GMDS: variants seen among roughly 807,000 people sequenced by gnomAD.
The protein encoded by GMDS is GDP-mannose 4,6 dehydratase.
A neutral mutation model predicts 49.9 loss-of-function variants in GMDS; 20 were observed. The observed-to-expected ratio is 0.40, with a 90% CI of 0.28 to 0.58. The LOEUF (loss-of-function observed/expected upper bound fraction) is 0.58. GMDS is among the 20% of genes least tolerant of loss of function. The probability of loss-of-function intolerance (pLI) is 0.42; values close to 1 mark genes in which losing one functional copy is unlikely to be tolerated. For missense variants in GMDS, 362 were observed against 481.4 expected, an observed-to-expected ratio of 0.75 and a Z score of 2.32; for synonymous variants, 177 against 178.6, an observed-to-expected ratio of 0.99 and a Z score of 0.07.
At chr6:1,813,062 A>AT (rs1429102241) in intron 7 of GMDS, among the ~76,000 whole-genome samples, 2 of 151,644 alleles carry the variant, frequency 1.3e-5, no homozygotes, top group Non-Finnish European at 2.9e-5. Context: ...TACCAAAAAA[A>AT]TTTTTTTTAA....
At chr6:1,709,822 T>A in intron 9 of GMDS, among the ~76,000 whole-genome samples, 1 of 152,226 alleles carries the variant, frequency 6.6e-6, no homozygotes, top group East Asian at 1.9e-4. Context: ...GAGCTTGAAG[T>A]TTGGGGAGAA....
At position 1,696,876 on chromosome 6, in the gene GMDS, A is replaced by G. The variant is rs144192201; in HGVS notation, c.987+29540T>C. On this transcript the variant is annotated intron_variant, in intron 9 of 10. Transcript: ENST00000380815. ...CATGCTCCTTGGAGTCACATGGTAA[A>G]ACAACAAGTGTTTGGCCTGTGGTTC... Among the ~76,000 whole-genome samples the G allele has an allele frequency of 1.2e-3, 184 of 152,350 alleles. 1 individual carries two copies. The Middle Eastern group carries it at 0.014, about 11-fold the overall frequency.
chr6:2,030,228 G>T (rs1045926008), intron 4 of GMDS, among the ~76,000 whole-genome samples: 1 of 152,184 alleles, frequency 6.6e-6, no homozygotes, highest in Non-Finnish European at 1.5e-5. Context: ...ATTAAAAGTG[G>T]ACAAAGATAA....
chr6:1,678,476 A>C (rs1335741219), intron 9 of GMDS, among the ~76,000 whole-genome samples: 2 of 152,098 alleles, frequency 1.3e-5, no homozygotes, highest in African/African-American at 4.8e-5. Context: ...AGAGCTGCTG[A>C]TTTTCAGTGT....
intron 7 of GMDS, among the ~76,000 whole-genome samples, chr6:1,928,010 A>G (rs563738066): frequency 1.3e-5 from 2 of 152,336 alleles, no homozygotes; most frequent in East Asian, 3.9e-4. Flanking sequence ...GTGCAAAATA[A>G]TAAAATTGAA....
chr6:1,737,180 C>T (rs559335008), intron 8 of GMDS, among the ~76,000 whole-genome samples: 4 of 152,166 alleles, frequency 2.6e-5, no homozygotes, highest in Non-Finnish European at 5.9e-5. Context: ...AATGTAAATT[C>T]AGTACCACAG....
chr6:1,721,699 T>C (rs1255434363), intron 9 of GMDS, among the ~76,000 whole-genome samples: 1 of 152,162 alleles, frequency 6.6e-6, no homozygotes, highest in Non-Finnish European at 1.5e-5. Flanking sequence ...GGTTACAAAT[T>C]TGGCACGTTA....
At chr6:2,005,790 T>C (rs951252465) in intron 4 of GMDS, among the ~76,000 whole-genome samples, 10 of 152,180 alleles carry the variant, frequency 6.6e-5, no homozygotes, top group African/African-American at 2.4e-4. Flanking sequence ...GTGACAACAT[T>C]TGACTCAAGG....
At chr6:2,007,790 T>C (rs538076468) in intron 4 of GMDS, among the ~76,000 whole-genome samples, 9 of 152,196 alleles carry the variant, frequency 5.9e-5, no homozygotes, top group South Asian at 4.1e-4. Flanking sequence ...AACAATCTTA[T>C]AGTTCTTCAA....
intron 2 of GMDS, among the ~76,000 whole-genome samples, chr6:2,122,658 T>C (rs1342438003): frequency 6.6e-6 from 1 of 152,262 alleles, no homozygotes; most frequent in Non-Finnish European, 1.5e-5. Flanking sequence ...TCTCGAATTA[T>C]ACGAATCTCT....
chr6:1,863,023 A>C (rs982754656), intron 7 of GMDS, among the ~76,000 whole-genome samples: 1 of 152,236 alleles, frequency 6.6e-6, no homozygotes, highest in Admixed American at 6.5e-5. Context: ...ACATTATTCT[A>C]CTTTTTAACA....
chr6:2,163,960 G>A (rs903962750), intron 1 of GMDS, among the ~76,000 whole-genome samples: 3 of 152,206 alleles, frequency 2.0e-5, no homozygotes, highest in Non-Finnish European at 1.5e-5. Flanking sequence ...CTCCCGTGGT[G>A]GGCAAGTAGG....
At chr6:2,154,147 T>C (rs1381606439) in intron 1 of GMDS, among the ~76,000 whole-genome samples, 1 of 152,166 alleles carries the variant, frequency 6.6e-6, no homozygotes, top group Non-Finnish European at 1.5e-5. Flanking sequence ...CACAATCATG[T>C]TTATTGAAAA....
chr6:1,642,765 C>T (rs1183150640), intron 9 of GMDS, among the ~76,000 whole-genome samples: 1 of 152,202 alleles, frequency 6.6e-6, no homozygotes, highest in East Asian at 1.9e-4. Context: ...GTGCTGGTCC[C>T]ATGTGGGCGA....
At chr6:1,744,420 T>G (rs1247019731) in intron 7 of GMDS, among the ~76,000 whole-genome samples, 1 of 152,194 alleles carries the variant, frequency 6.6e-6, no homozygotes, top group Non-Finnish European at 1.5e-5. Context: ...TCATGGTTGG[T>G]GAACTGAGCC....
intron 1 of GMDS, among the ~76,000 whole-genome samples, chr6:2,189,169 G>A (rs185729615): frequency 6.6e-6 from 1 of 152,228 alleles, no homozygotes; most frequent in African/African-American, 2.4e-5. Context: ...AAATGAAAGA[G>A]ACAGAACACA....
In GMDS at chr6:1,847,807, C is replaced by T. The variant is rs562047122; in HGVS notation, c.771+82296G>A. On this transcript the variant is annotated intron_variant, in intron 7 of 10. Transcript: ENST00000380815. Reference sequence around the variant, plus strand: ...CACAGTGTCTACCCAGGCAACATCTCTGTCAACCAGGCTGATATTTTGGTT... The same window carrying T: ...CACAGTGTCTACCCAGGCAACATCTTTGTCAACCAGGCTGATATTTTGGTT... 3.0e-4 allele frequency among the ~76,000 whole-genome samples: 45 copies of T among 152,304 alleles called. 1 individual carries two copies. Among genetic ancestry groups the T allele is most frequent in the Admixed American group, 2.2e-3 (34 of 15,308 alleles).
intron 7 of GMDS, among the ~76,000 whole-genome samples, chr6:1,829,950 A>G (rs903648374): frequency 1.3e-5 from 2 of 152,180 alleles, no homozygotes; most frequent in African/African-American, 4.8e-5. Flanking sequence ...GTATGTTCTC[A>G]TAACTACTGT....
chr6:1,843,050 G>A (rs1016126076), intron 7 of GMDS, among the ~76,000 whole-genome samples: 3 of 151,636 alleles, frequency 2.0e-5, no homozygotes, highest in South Asian at 4.2e-4. Flanking sequence ...AGGTTGCAGT[G>A]AGTGAGCTGA....
Sources: gnomAD v4.1 joint callset for allele counts (sites outside exome capture counted in the v4.1 genomes callset) on GRCh38, gnomAD v4.1.1 for gene constraint, MANE v1.5 for transcripts, NCBI Gene and HGNC (gene_info 2026-07-23, HGNC 2026-07-21) for gene names.